Variants in ZNF462 observed in about 807,000 individuals in gnomAD.
ZNF462 encodes the protein zinc finger protein 462.
In ZNF462, 10 loss-of-function variants were observed where a neutral mutation model predicts 201.9. That is an observed-to-expected ratio of 0.05 (90% CI 0.03 to 0.08). The LOEUF is 0.08. ZNF462 is among the 10% of genes least tolerant of loss of function. The pLI is 1.00. For missense variants in ZNF462, 2,523 were observed against 3,168.3 expected, an observed-to-expected ratio of 0.80 and a Z score of 4.89; for synonymous variants, 1,227 against 1,193.3, an observed-to-expected ratio of 1.03 and a Z score of -0.58.
At chr9:106,980,723 C>T (rs1827361322) in intron 9 of ZNF462, among the ~76,000 whole-genome samples, 1 of 152,180 alleles carries the variant, frequency 6.6e-6, no homozygotes, top group Non-Finnish European at 1.5e-5. Context: ...ATGAGAGACA[C>T]AATCCATCTT....
chr9:106,865,624 G>A lies in ZNF462; in HGVS notation c.-31+2269G>A, dbSNP rs546715337. 4.6e-5 allele frequency among the ~76,000 whole-genome samples: 7 copies of A among 151,696 alleles called. No homozygotes were observed. Among genetic ancestry groups the A allele is most frequent in the African/African-American group, 1.7e-4 (7 of 41,304 alleles). ...TTCTTTGTTTCCCCTTTCCCTTTCC[G>A]TCGGCTAATTTTTTCTGTGTTCTGA... On this transcript the variant is annotated intron_variant, in intron 1 of 12. Coordinates refer to ENST00000277225, the MANE Select transcript of ZNF462 (RefSeq NM_021224.6). The surrounding 1 kb of genome is among the most constrained non-coding windows in gnomAD (Gnocchi z 4.1).
At chr9:106,946,388 T>G (rs530996153) in intron 7 of ZNF462, among the ~76,000 whole-genome samples, 12 of 152,326 alleles carry the variant, frequency 7.9e-5, no homozygotes, top group African/African-American at 2.6e-4. Flanking sequence ...TGTCTTCTCA[T>G]TGCCCACTTC....
At chr9:106,914,278 T>TC (rs1829676981) in intron 1 of ZNF462, among the ~76,000 whole-genome samples, 1 of 151,960 alleles carries the variant, frequency 6.6e-6, no homozygotes. Context: ...TACCTGGAGA[T>TC]CATTAAGTTT....
At position 106,938,924 on chromosome 9, in the gene ZNF462, G is replaced by A; in HGVS notation, c.6244G>A (p.Ala2082Thr). Reference sequence around the variant, plus strand: ...TCACCATCCTCTTCCAGGTGAGCATGCCTACAAGTGTTCTTGGTGCTCATT... The same window carrying A: ...TCACCATCCTCTTCCAGGTGAGCATACCTACAAGTGTTCTTGGTGCTCATT... ...HILKAHAGEH[A>T]YKCSWCSFST... Residue 2082 changes from alanine to threonine, a missense_variant, in exon 7 of 13, where the codon GCC (alanine) becomes ACC (threonine). By Grantham distance (58) the Ala-to-Thr change is moderately conservative. Around this residue, in one of 15 missense-constraint regions of ZNF462, gnomAD observed 138 missense variants for 146.3 expected, o/e 0.94. Coordinates refer to ENST00000277225, the MANE Select transcript of ZNF462 (RefSeq NM_021224.6). This position sits in a 1 kb window ranked among gnomAD's most constrained non-coding sequence, Gnocchi z 4.4. 1 of 1,607,894 alleles carries A rather than the reference G, an allele frequency of 6.2e-7. No homozygotes were observed. Among genetic ancestry groups the A allele is most frequent in the Non-Finnish European group, 8.5e-7 (1 of 1,177,170 alleles).
chr9:107,011,016 G>T lies in ZNF462; in HGVS notation c.7507G>T (p.Ala2503Ser). ...CAAATCTCTCCTGGAGAATGCAGAGGCCAAAAAAGAATGAGCGTTTGGTGA... is the reference window on the plus strand; with the variant it reads ...CAAATCTCTCCTGGAGAATGCAGAGTCCAAAAAAGAATGAGCGTTTGGTGA... ...ADKSLLENAE[A>S]KKE is the part of the protein sequence containing the mutation. The change falls in exon 13 of 13, where the codon GCC becomes TCC. Residue 2503 changes from alanine (A) to serine (S), a missense_variant. Coordinates refer to ENST00000277225, the MANE Select transcript of ZNF462 (RefSeq NM_021224.6). The surrounding 1 kb of genome is among the most constrained non-coding windows in gnomAD (Gnocchi z 5.6). 6.2e-7 allele frequency: 1 copy of T among 1,613,098 alleles called. No individual in the cohort carries two copies. The highest frequency in any genetic ancestry group is 8.5e-7 in the Non-Finnish European group (1 of 1,179,746).
rs377091645 is a variant in ZNF462, at chr9:107,003,475, G to A, written c.7189+49G>A. The A allele has an allele frequency of 1.8e-5, 29 of 1,599,156 alleles. No homozygotes were observed. The highest frequency in any genetic ancestry group is 1.1e-4 in the East Asian group (5 of 44,466). ...ATCCCAGATGGCATCTGGCATGTCC[G>A]TAGTGAGACAGAAGGGAGGCAGGAG... On this transcript the variant is annotated intron_variant, in intron 11 of 12. Transcript: ENST00000277225. This position sits in a 1 kb window ranked among gnomAD's most constrained non-coding sequence, Gnocchi z 4.4.
At chr9:106,921,959 G>A (rs942308366) in intron 1 of ZNF462, among the ~76,000 whole-genome samples, 5 of 152,136 alleles carry the variant, frequency 3.3e-5, no homozygotes, top group African/African-American at 9.7e-5. Context: ...AAATATCTGC[G>A]GCTCACTCTG....
Position 106,972,335 on chromosome 9 carries a change from C to T in ZNF462, c.6695+63C>T. ...GCCGCCCCTGCTCCACCCCTCACTG[C>T]AGGCTTCCCTTACACTTTCCTACTT... On this transcript the variant is annotated intron_variant, in intron 8 of 12. Coordinates refer to ENST00000277225, the MANE Select transcript of ZNF462 (RefSeq NM_021224.6). The surrounding 1 kb of genome is among the most constrained non-coding windows in gnomAD (Gnocchi z 4.8). 2 of 1,562,658 alleles carry T rather than the reference C, an allele frequency of 1.3e-6. No individual in the cohort carries two copies. The highest frequency in any genetic ancestry group is 1.7e-6 in the Non-Finnish European group (2 of 1,154,612).
In ZNF462 at chr9:106,898,055, CA is replaced by C. The variant is rs1828887090; in HGVS notation, c.-30-25295del. Reference sequence around the variant, plus strand: ...CTTTTCCCCACATTTATACATTTCTCAAAAGGGATGCATGTTATCATCAGTT... The same window carrying C: ...CTTTTCCCCACATTTATACATTTCTCAAAGGGATGCATGTTATCATCAGTT... On this transcript the variant is annotated intron_variant, in intron 1 of 12. Transcript: ENST00000277225. Among the ~76,000 whole-genome samples the C allele has an allele frequency of 1.3e-5, 2 of 152,212 alleles. 1 individual carries two copies. Among genetic ancestry groups the C allele is most frequent in the South Asian group, 4.1e-4 (2 of 4,836 alleles).
chr9:107,007,280 A>G (rs1829615521), intron 11 of ZNF462, among the ~76,000 whole-genome samples: 2 of 152,214 alleles, frequency 1.3e-5, no homozygotes, highest in African/African-American at 4.8e-5. Flanking sequence ...ACTCGAATTT[A>G]AAACATGGTG....
chr9:106,961,668 G>A (rs1298229961), intron 7 of ZNF462, among the ~76,000 whole-genome samples: 1 of 151,942 alleles, frequency 6.6e-6, no homozygotes, highest in Non-Finnish European at 1.5e-5. Context: ...ATACATGAAT[G>A]GATAGATGGA....
intron 7 of ZNF462, among the ~76,000 whole-genome samples, chr9:106,948,765 G>A (rs1392229989): frequency 6.6e-6 from 1 of 151,352 alleles, no homozygotes; most frequent in Non-Finnish European, 1.5e-5. Flanking sequence ...ACTTACTATA[G>A]CTTTGAAATA....
rs1828777194 is a variant in ZNF462 at position 106,895,600 on chromosome 9, G to A, written c.-30-27754G>A. ...TGTCCGAATGAAGGGAGGGAGGGAA[G>A]GCTCTGACATTTGAAACTGGATAGA... On this transcript the variant is annotated intron_variant, in intron 1 of 12. Transcript: ENST00000277225. The surrounding 1 kb of genome is among the most constrained non-coding windows in gnomAD (Gnocchi z 4.4). Among the ~76,000 whole-genome samples the A allele has an allele frequency of 6.6e-6, 1 of 152,230 alleles. No individual in the cohort carries two copies. The highest frequency in any genetic ancestry group is 1.5e-5 in the Non-Finnish European group (1 of 68,034).
rs1366615137 is a variant in ZNF462 at position 106,993,750 on chromosome 9, T to G, written c.7056+9341T>G. The stretch of plus-strand genomic sequence containing the variant: ...ATACTGTTGAAAGATGAAGACAACA[T>G]TTTTTCTTTTTTGAGTCAGGGTCTT... On this transcript the variant is annotated intron_variant, in intron 10 of 12. Transcript: ENST00000277225. The surrounding 1 kb of genome is among the most constrained non-coding windows in gnomAD (Gnocchi z 4.0). Among the ~76,000 whole-genome samples, 1 of 151,966 alleles carries G rather than the reference T, an allele frequency of 6.6e-6. No individual in the cohort carries two copies. Among genetic ancestry groups the G allele is most frequent in the African/African-American group, 2.4e-5 (1 of 41,356 alleles).
chr9:106,917,844 TTTTA>T lies in ZNF462; in HGVS notation c.-30-5508_-30-5505del, dbSNP rs1829835662. On this transcript the variant is annotated intron_variant, in intron 1 of 12. Transcript: ENST00000277225. This position sits in a 1 kb window ranked among gnomAD's most constrained non-coding sequence, Gnocchi z 4.5. Reference sequence around the variant, plus strand: ...GGTTTATTTTGCTGGTTTATTATTTTTTTATATTTATTTATTTATTTATTTATTT... The same window carrying T: ...GGTTTATTTTGCTGGTTTATTATTTTTATTTATTTATTTATTTATTTATTT... Among the ~76,000 whole-genome samples, 10 of 149,122 alleles carry T rather than the reference TTTTA, an allele frequency of 6.7e-5. No homozygotes were observed. In the South Asian group the frequency reaches 2.1e-3, roughly 32 times the overall value.
intron 7 of ZNF462, among the ~76,000 whole-genome samples, chr9:106,971,350 A>G (rs1249704061): frequency 2.0e-5 from 3 of 150,262 alleles, no homozygotes; most frequent in Admixed American, 1.3e-4. Flanking sequence ...ACCTGTTGCC[A>G]TGCTGCGATT....
At chr9:106,914,218 C>T (rs1436533856) in intron 1 of ZNF462, among the ~76,000 whole-genome samples, 1 of 138,998 alleles carries the variant, frequency 7.2e-6, no homozygotes, top group African/African-American at 2.5e-5. Flanking sequence ...CCAGCCAGGA[C>T]CCCATAAAGG....
chr9:106,932,493 C>T lies in ZNF462; in HGVS notation c.6060C>T (p.Thr2020=). 1 of 1,614,232 alleles carries T rather than the reference C, an allele frequency of 6.2e-7. No individual in the cohort carries two copies. Among genetic ancestry groups the T allele is most frequent in the Non-Finnish European group, 8.5e-7 (1 of 1,180,052 alleles). Residue 2020 remains threonine (T), a synonymous_variant, in exon 5 of 13, where the codon ACC becomes ACT. Coordinates refer to ENST00000277225, the MANE Select transcript of ZNF462 (RefSeq NM_021224.6). This position sits in a 1 kb window ranked among gnomAD's most constrained non-coding sequence, Gnocchi z 6.8. ...ERSHLALAMF[T]REDKYSCQYC... Reference sequence around the variant, plus strand: ...GCCACCTGGCCCTGGCCATGTTTACCCGCGAGGACAAGTACAGCTGCCAGT... The same window carrying T: ...GCCACCTGGCCCTGGCCATGTTTACTCGCGAGGACAAGTACAGCTGCCAGT...
intron 1 of ZNF462, among the ~76,000 whole-genome samples, chr9:106,874,464 C>A (rs112518798): frequency 4.6e-5 from 7 of 152,128 alleles, no homozygotes; most frequent in Admixed American, 4.6e-4. Context: ...TGGGAATTTG[C>A]GAACACATTC....
Sources: gnomAD v4.1 joint callset for allele counts (sites outside exome capture counted in the v4.1 genomes callset) on GRCh38, gnomAD v4.1.1 for gene constraint, gnomAD v4.1.1 regional missense constraint, Gnocchi (gnomAD v3.1) non-coding constraint, MANE v1.5 for transcripts, NCBI Gene and HGNC (gene_info 2026-07-23, HGNC 2026-07-21) for gene names.